CDS1: variants seen among roughly 807,000 people sequenced by gnomAD.
The protein encoded by CDS1 is phosphatidate cytidylyltransferase 1.
In CDS1, 41 loss-of-function variants were observed where a neutral mutation model predicts 62.1. The observed-to-expected ratio is 0.66, with a 90% CI of 0.51 to 0.86. CDS1 has a LOEUF of 0.86. CDS1 is among the 40% of genes least tolerant of loss of function. The pLI is 0.00. For synonymous variants in CDS1, 185 were observed against 192.6 expected (o/e 0.96, Z 0.32); for missense variants, 470 against 550.1 (o/e 0.85, Z 1.46).
chr4:84,620,150 A>G (rs1723633332), intron 5 of CDS1, among the ~76,000 whole-genome samples: 1 of 151,532 alleles, frequency 6.6e-6, no homozygotes, highest in African/African-American at 2.4e-5. Context: ...AAACTTTCAC[A>G]TATATATTGC....
chr4:84,590,960 G>A (rs1208921465), intron 1 of CDS1, among the ~76,000 whole-genome samples: 1 of 152,198 alleles, frequency 6.6e-6, no homozygotes, highest in Non-Finnish European at 1.5e-5. Context: ...CAAACGGTGA[G>A]AGACATGACT....
At chr4:84,584,187 A>G (rs1224393286) in intron 1 of CDS1, among the ~76,000 whole-genome samples, 3 of 152,204 alleles carry the variant, frequency 2.0e-5, no homozygotes, top group African/African-American at 7.2e-5. Context: ...CCTTTTCTAT[A>G]GATTACTCTT....
At chr4:84,622,250 T>A (rs1391688124) in intron 5 of CDS1, among the ~76,000 whole-genome samples, 1 of 152,182 alleles carries the variant, frequency 6.6e-6, no homozygotes, top group Non-Finnish European at 1.5e-5. Flanking sequence ...CTTCTGTTAT[T>A]GAACCCAACA....
intron 10 of CDS1, among the ~76,000 whole-genome samples, chr4:84,641,528 GTGTTTCTCATA>G (rs1371877590): frequency 6.6e-6 from 1 of 152,210 alleles, no homozygotes; most frequent in Non-Finnish European, 1.5e-5. Flanking sequence ...GGTTTAGAAT[GTGTTTCTCATA>G]TCACTGACAT....
chr4:84,625,247 G>T (rs184520138), intron 5 of CDS1, among the ~76,000 whole-genome samples: 56 of 152,260 alleles, frequency 3.7e-4, no homozygotes, highest in Non-Finnish European at 6.2e-4. Flanking sequence ...TAGAATCACA[G>T]AAACTTACTG....
chr4:84,598,729 T>C (rs755151734), intron 1 of CDS1, among the ~76,000 whole-genome samples: 2 of 152,166 alleles, frequency 1.3e-5, no homozygotes, highest in Non-Finnish European at 2.9e-5. Context: ...TACCTCAGCT[T>C]CCTGAATAGC....
chr4:84,626,889 C>T (rs1345968382), intron 5 of CDS1, among the ~76,000 whole-genome samples: 1 of 152,140 alleles, frequency 6.6e-6, no homozygotes, highest in Non-Finnish European at 1.5e-5. Context: ...TTCTTAGTAT[C>T]AGTGTTTTGT....
chr4:84,599,401 CACACATATATATATATATATATAT>C (rs1324572806), intron 1 of CDS1, among the ~76,000 whole-genome samples: 10 of 23,988 alleles, frequency 4.2e-4, no homozygotes, highest in Admixed American at 1.9e-3. Flanking sequence ...TTGACACACA[CACACATATATATATATATATATAT>C]ATATATATAT....
At chr4:84,603,736 A>T (rs1723007396) in intron 1 of CDS1, among the ~76,000 whole-genome samples, 1 of 152,208 alleles carries the variant, frequency 6.6e-6, no homozygotes, top group South Asian at 2.1e-4. Flanking sequence ...TAAAATAGAG[A>T]TGAGGTCCAT....
intron 1 of CDS1, among the ~76,000 whole-genome samples, chr4:84,603,648 C>T (rs1723003590): frequency 6.6e-6 from 1 of 152,166 alleles, no homozygotes; most frequent in South Asian, 2.1e-4. Flanking sequence ...TACATGCACT[C>T]AGAAGTCGGT....
At chr4:84,603,857 C>T (rs189459302) in intron 1 of CDS1, among the ~76,000 whole-genome samples, 235 of 152,284 alleles carry the variant, frequency 1.5e-3, no homozygotes, top group African/African-American at 5.4e-3. Flanking sequence ...ATTACTCTTA[C>T]TGTTGATGCT....
chr4:84,639,037 G>A, intron 9 of CDS1, 45 bp downstream of exon 9: 1 of 902,062 alleles, frequency 1.1e-6, no homozygotes, highest in Non-Finnish European at 1.7e-6. Context: ...TTCGAAATAT[G>A]ATACCAAGCT....
In CDS1 at chr4:84,583,434, C is replaced by T. The variant is rs757577168; in HGVS notation, c.33C>T (p.Pro11=). MLELRHRGSC[P]GPREAVSPPH... ...AGCTGAGGCACCGGGGAAGCTGCCC[C>T]GGCCCCAGGGAAGCGGTGTCGCCGC... is the stretch of plus-strand genomic sequence containing the variant. The change falls in exon 1 of 13, where the codon CCC becomes CCT. Residue 11 remains proline, a synonymous_variant. Coordinates refer to ENST00000295887, the MANE Select transcript of CDS1 (RefSeq NM_001263.4). The T allele has an allele frequency of 1.3e-6, 2 of 1,595,690 alleles. No individual in the cohort carries two copies. Among genetic ancestry groups the T allele is most frequent in the Admixed American group, 3.4e-5 (2 of 58,628 alleles).
At chr4:84,597,493 A>T (rs1296257584) in intron 1 of CDS1, among the ~76,000 whole-genome samples, 2 of 152,086 alleles carry the variant, frequency 1.3e-5, no homozygotes, top group African/African-American at 4.8e-5. Context: ...ACAAAAAATT[A>T]GCCAGGTGTG....
At chr4:84,615,099 T>C (rs1201822105) in intron 3 of CDS1, among the ~76,000 whole-genome samples, 3 of 152,184 alleles carry the variant, frequency 2.0e-5, no homozygotes, top group Non-Finnish European at 4.4e-5. Flanking sequence ...CTGATCTTAG[T>C]TGAATATGAC....
chr4:84,583,447 G>A lies in CDS1; in HGVS notation c.46G>A (p.Ala16Thr), dbSNP rs761139797. 1.3e-6 allele frequency: 2 copies of A among 1,590,244 alleles called. No individual in the cohort carries two copies. The highest frequency in any genetic ancestry group is 1.7e-6 in the Non-Finnish European group (2 of 1,169,736). Reference protein sequence around the residue: ...HRGSCPGPREAVSPPHREGEA... With the variant: ...HRGSCPGPRETVSPPHREGEA... ...GGGAAGCTGCCCCGGCCCCAGGGAAGCGGTGTCGCCGCCACACCGCGAGGG... is the reference window on the plus strand; with the variant it reads ...GGGAAGCTGCCCCGGCCCCAGGGAAACGGTGTCGCCGCCACACCGCGAGGG... The change falls in exon 1 of 13, where the codon GCG becomes ACG. Residue 16 changes from alanine to threonine, a missense_variant. This residue lies in a region of CDS1 where 150 missense variants were observed against 142.0 expected (regional missense o/e 1.06). Coordinates refer to ENST00000295887, the MANE Select transcript of CDS1 (RefSeq NM_001263.4).
chr4:84,611,241 A>G (rs1318500777), intron 3 of CDS1, among the ~76,000 whole-genome samples: 1 of 152,240 alleles, frequency 6.6e-6, no homozygotes, highest in Admixed American at 6.5e-5. Flanking sequence ...GCACTTAGGC[A>G]GTGCTGAGCA....
At chr4:84,620,245 T>C (rs10000060) in intron 5 of CDS1, among the ~76,000 whole-genome samples, 64,717 of 130,292 alleles carry the variant, frequency 0.5, 18,733 homozygotes, top group African/African-American at 0.82. Context: ...TTTTTTGAGA[T>C]GGAGTCTCAC....
intron 5 of CDS1, among the ~76,000 whole-genome samples, chr4:84,620,216 G>GTTTTTTT: frequency 7.3e-6 from 1 of 136,364 alleles, no homozygotes; most frequent in African/African-American, 3.0e-5. Flanking sequence ...AGGGTAATTA[G>GTTTTTTT]TTGTTTTTTT....
Sources: gnomAD v4.1 joint callset for allele counts (sites outside exome capture counted in the v4.1 genomes callset) on GRCh38, gnomAD v4.1.1 for gene constraint, gnomAD v4.1.1 regional missense constraint, MANE v1.5 for transcripts, NCBI Gene and HGNC (gene_info 2026-07-23, HGNC 2026-07-21) for gene names.